The following TLL1 variants were observed in gnomAD, a reference collection of about 807,000 sequenced individuals.
The protein encoded by TLL1 is tolloid-like protein 1.
A neutral mutation model predicts 128.2 loss-of-function variants in TLL1; 49 were observed. The ratio of observed to expected loss-of-function variants is 0.38; its 90% CI spans 0.30 to 0.48. The LOEUF is 0.48. TLL1 is among the 20% of genes least tolerant of loss of function. The pLI is 0.96. For missense variants in TLL1, 1,123 were observed against 1,242.0 expected (o/e 0.90, Z 1.44); for synonymous variants, 454 against 418.8 (o/e 1.08, Z -1.03).
At chr4:165,907,263 G>GT (rs1732306436) in intron 1 of TLL1, among the ~76,000 whole-genome samples, 1 of 150,898 alleles carries the variant, frequency 6.6e-6, no homozygotes, top group African/African-American at 2.4e-5. Context: ...ATTTTTTTTT[G>GT]TTTTTTAGGG....
intron 1 of TLL1, among the ~76,000 whole-genome samples, chr4:165,911,500 C>T (rs375859660): frequency 1.3e-5 from 2 of 152,102 alleles, no homozygotes; most frequent in African/African-American, 2.4e-5. Context: ...AGCCTAAAAT[C>T]GTAATCACTA....
chr4:165,988,750 G>C (rs1296761843), intron 1 of TLL1, among the ~76,000 whole-genome samples: 2 of 151,992 alleles, frequency 1.3e-5, no homozygotes, highest in Non-Finnish European at 2.9e-5. Flanking sequence ...AAAAAATCTG[G>C]CATCTAGTTG....
At chr4:166,018,551 C>T (rs1738061089) in intron 8 of TLL1, among the ~76,000 whole-genome samples, 1 of 152,056 alleles carries the variant, frequency 6.6e-6, no homozygotes, top group South Asian at 2.1e-4. Context: ...CCACAAACTA[C>T]ACATCTGACA....
chr4:166,031,733 G>T (rs1197623940), intron 9 of TLL1, among the ~76,000 whole-genome samples: 1 of 152,000 alleles, frequency 6.6e-6, no homozygotes, highest in African/African-American at 2.4e-5. Flanking sequence ...AATTTGAAAA[G>T]TAATAGGTCA....
At chr4:166,052,043 G>A (rs780197264) in intron 12 of TLL1, among the ~76,000 whole-genome samples, 38 of 152,022 alleles carry the variant, frequency 2.5e-4, no homozygotes, top group South Asian at 4.1e-4. Context: ...GTGAATGATT[G>A]TATATCTATT....
chr4:165,925,836 A>G (rs1733245548), intron 1 of TLL1, among the ~76,000 whole-genome samples: 1 of 152,216 alleles, frequency 6.6e-6, no homozygotes. Context: ...TTGATTAGTC[A>G]GCAGCTATGA....
At chr4:166,069,069 T>C (rs966844259) in intron 16 of TLL1, among the ~76,000 whole-genome samples, 9 of 151,802 alleles carry the variant, frequency 5.9e-5, no homozygotes, top group African/African-American at 2.2e-4. Context: ...AAAAAACTCC[T>C]ATCATGTTTC....
chr4:165,985,147 CGAG>C (rs1560791086), intron 1 of TLL1, among the ~76,000 whole-genome samples: 1 of 151,900 alleles, frequency 6.6e-6, no homozygotes, highest in African/African-American at 2.4e-5. Flanking sequence ...CAAAATTAGT[CGAG>C]GAAGCCGGCT....
Position 165,924,100 on chromosome 4 carries a change from A to G in TLL1, c.169+50027A>G, listed in dbSNP as rs1043445929. 2.0e-5 allele frequency among the ~76,000 whole-genome samples: 3 copies of G among 152,248 alleles called. 1 individual carries two copies. Among genetic ancestry groups the G allele is most frequent in the East Asian group, 1.9e-4 (1 of 5,172 alleles). On this transcript the variant is annotated intron_variant, in intron 1 of 20. Transcript: ENST00000061240. ...CCATTTCCTTGGTTCTTTCTATTCC[A>G]TGAGACACAACAGTATTGAAATTAG... is the stretch of plus-strand genomic sequence containing the variant.
At chr4:166,089,372 G>C (rs533642398) in intron 18 of TLL1, among the ~76,000 whole-genome samples, 2 of 152,066 alleles carry the variant, frequency 1.3e-5, no homozygotes, top group African/African-American at 4.8e-5. Flanking sequence ...GATTTAGTAG[G>C]CCCTGTCTGT....
At chr4:165,997,452 TTAATC>T (rs1406530668) in intron 5 of TLL1, among the ~76,000 whole-genome samples, 7 of 152,254 alleles carry the variant, frequency 4.6e-5, no homozygotes, top group Admixed American at 6.5e-5. Flanking sequence ...ATTTCTAACT[TTAATC>T]TAATAAGAAA....
intron 17 of TLL1, 37 bp downstream of exon 17, chr4:166,075,040 G>A (rs747502525): frequency 6.2e-7 from 1 of 1,609,872 alleles, no homozygotes; most frequent in South Asian, 1.1e-5. Flanking sequence ...ACAACATGTA[G>A]AATTTCATGT....
At chr4:166,034,503 G>T (rs2111083173) in intron 9 of TLL1, among the ~76,000 whole-genome samples, 1 of 152,234 alleles carries the variant, frequency 6.6e-6, no homozygotes, top group African/African-American at 2.4e-5. Flanking sequence ...CCAAAACCTT[G>T]ATGGGAAGCA....
intron 19 of TLL1, among the ~76,000 whole-genome samples, chr4:166,091,982 G>A (rs547468351): frequency 1.8e-4 from 27 of 152,024 alleles, no homozygotes; most frequent in Non-Finnish European, 2.6e-4. Flanking sequence ...ATAGTTTGGA[G>A]ACAGTTTAGT....
At chr4:165,935,806 A>T (rs1733735396) in intron 1 of TLL1, among the ~76,000 whole-genome samples, 1 of 152,134 alleles carries the variant, frequency 6.6e-6, no homozygotes, top group African/African-American at 2.4e-5. Context: ...CTTATAATCT[A>T]TCTGAGGGAG....
intron 18 of TLL1, among the ~76,000 whole-genome samples, chr4:166,078,246 G>A (rs1741128925): frequency 6.6e-6 from 1 of 152,020 alleles, no homozygotes; most frequent in Non-Finnish European, 1.5e-5. Context: ...TCTTATCCTG[G>A]ATGTTTTAAA....
chr4:165,910,175 G>C lies in TLL1; in HGVS notation c.169+36102G>C, dbSNP rs191820494. On this transcript the variant is annotated intron_variant, in intron 1 of 20. Coordinates refer to ENST00000061240, the MANE Select transcript of TLL1 (RefSeq NM_012464.5). ...AAAGCCTGGAAGCCAGTTTCTTAAG[G>C]CTTAGTGTGTTTCTGAGAACATGAC... Among the ~76,000 whole-genome samples the C allele has an allele frequency of 2.6e-4, 39 of 152,202 alleles. No homozygotes were observed. In the East Asian group the frequency reaches 7.4e-3, roughly 29 times the overall value.
At chr4:165,882,775 C>T (rs1397241261) in intron 1 of TLL1, among the ~76,000 whole-genome samples, 2 of 152,100 alleles carry the variant, frequency 1.3e-5, no homozygotes, top group South Asian at 4.1e-4. Flanking sequence ...TGCGCCACCA[C>T]GCCCGGCTAG....
chr4:166,074,744 G>T, intron 16 of TLL1, 134 bp from the exon 17 acceptor site: 2 of 1,109,336 alleles, frequency 1.8e-6, no homozygotes, highest in South Asian at 2.6e-5. Context: ...ATTTTTGTTT[G>T]TTTTATGTTG....
Sources: allele counts gnomAD v4.1 joint callset (sites outside exome capture counted in the v4.1 genomes callset), GRCh38; gene constraint gnomAD v4.1.1; transcripts MANE v1.5; gene names NCBI Gene and HGNC (gene_info 2026-07-23, HGNC 2026-07-21).